Variants in FBXL7 observed in about 807,000 individuals in gnomAD.
FBXL7 encodes the protein F-box and leucine rich repeat protein 7, also known as F-box/LRR-repeat protein 7.
A neutral mutation model predicts 38.3 loss-of-function variants in FBXL7; 12 were observed. That is an observed-to-expected ratio of 0.31 (90% CI 0.20 to 0.51). The LOEUF (loss-of-function observed/expected upper bound fraction) is 0.51. Ranked by LOEUF, FBXL7 falls within the 20% of genes least tolerant of loss-of-function variation. The probability of loss-of-function intolerance (pLI) is 0.98; values close to 1 mark genes in which losing one functional copy is unlikely to be tolerated. For missense variants in FBXL7, 567 were observed against 676.4 expected (o/e 0.84, Z 1.79); for synonymous variants, 297 against 300.9 (o/e 0.99, Z 0.13).
At chr5:15,915,292 A>G (rs988881850) in intron 2 of FBXL7, among the ~76,000 whole-genome samples, 4 of 152,330 alleles carry the variant, frequency 2.6e-5, no homozygotes, top group African/African-American at 7.2e-5. Context: ...CAGCAACAGA[A>G]TTTATTGTCT....
intron 1 of FBXL7, among the ~76,000 whole-genome samples, chr5:15,518,261 C>T (rs903117216): frequency 1.3e-5 from 2 of 152,106 alleles, no homozygotes; most frequent in African/African-American, 4.8e-5. Context: ...GCCACCGTGC[C>T]CGGCCACAGG....
intron 2 of FBXL7, among the ~76,000 whole-genome samples, chr5:15,798,616 G>A (rs1356013458): frequency 6.6e-6 from 1 of 152,188 alleles, no homozygotes; most frequent in East Asian, 1.9e-4. Flanking sequence ...GATGGAATTG[G>A]AAGAAGACTT....
chr5:15,915,705 T>C (rs1741566795), intron 2 of FBXL7, among the ~76,000 whole-genome samples: 1 of 152,190 alleles, frequency 6.6e-6, no homozygotes, highest in Admixed American at 6.5e-5. Flanking sequence ...AGTCAAGGTT[T>C]TGATGCCGGG....
chr5:15,653,723 G>T (rs989091685), intron 2 of FBXL7, among the ~76,000 whole-genome samples: 1 of 152,180 alleles, frequency 6.6e-6, no homozygotes, highest in Non-Finnish European at 1.5e-5. Flanking sequence ...GTGAAACCAA[G>T]TCCAGCTCTG....
chr5:15,513,224 C>A (rs1736847674), intron 1 of FBXL7, among the ~76,000 whole-genome samples: 1 of 151,890 alleles, frequency 6.6e-6, no homozygotes, highest in Non-Finnish European at 1.5e-5. Flanking sequence ...ATTTAAATAA[C>A]CCTTTCCTAG....
intron 1 of FBXL7, among the ~76,000 whole-genome samples, chr5:15,571,268 G>A (rs547529867): frequency 2.2e-4 from 33 of 152,068 alleles, no homozygotes; most frequent in Non-Finnish European, 4.4e-4. Flanking sequence ...CGCCTCACTA[G>A]CAGTATAGAA....
intron 2 of FBXL7, among the ~76,000 whole-genome samples, chr5:15,916,729 A>G (rs1334905800): frequency 6.6e-6 from 1 of 152,212 alleles, no homozygotes; most frequent in Non-Finnish European, 1.5e-5. Flanking sequence ...AAATAGCCAT[A>G]TTTTATTAAC....
At chr5:15,625,873 CAT>C (rs1740798814) in intron 2 of FBXL7, among the ~76,000 whole-genome samples, 2 of 151,900 alleles carry the variant, frequency 1.3e-5, no homozygotes, top group Non-Finnish European at 2.9e-5. Context: ...AAACATGTAA[CAT>C]AGGAATAGGA....
intron 1 of FBXL7, among the ~76,000 whole-genome samples, chr5:15,537,166 C>T (rs1418953855): frequency 6.6e-6 from 1 of 152,102 alleles, no homozygotes; most frequent in East Asian, 1.9e-4. Context: ...TATAAATTAC[C>T]CAGTCTCATC....
intron 2 of FBXL7, among the ~76,000 whole-genome samples, chr5:15,629,013 C>T (rs1371901460): frequency 6.6e-6 from 1 of 151,844 alleles, no homozygotes; most frequent in Non-Finnish European, 1.5e-5. Context: ...CATGGTGGCT[C>T]ATGCATGTAA....
intron 2 of FBXL7, among the ~76,000 whole-genome samples, chr5:15,887,776 C>G (rs888311347): frequency 6.6e-6 from 1 of 152,174 alleles, no homozygotes; most frequent in African/African-American, 2.4e-5. Context: ...TTGGTACACT[C>G]AAGAAGCTTG....
At chr5:15,624,414 A>G (rs1227463976) in intron 2 of FBXL7, among the ~76,000 whole-genome samples, 1 of 152,208 alleles carries the variant, frequency 6.6e-6, no homozygotes, top group African/African-American at 2.4e-5. Context: ...CCTCGCCTGC[A>G]CTTGTTGCTG....
At chr5:15,905,561 A>G (rs528038310) in intron 2 of FBXL7, among the ~76,000 whole-genome samples, 1 of 151,332 alleles carries the variant, frequency 6.6e-6, no homozygotes, top group Non-Finnish European at 1.5e-5. Flanking sequence ...CTTTGCTTTT[A>G]CTAATTTAAC....
chr5:15,564,891 C>G (rs1490791201), intron 1 of FBXL7, among the ~76,000 whole-genome samples: 4 of 152,034 alleles, frequency 2.6e-5, no homozygotes, highest in Non-Finnish European at 4.4e-5. Flanking sequence ...GCTCCACTAA[C>G]AGTTATGTGG....
intron 2 of FBXL7, among the ~76,000 whole-genome samples, chr5:15,835,190 A>C (rs981980364): frequency 2.2e-4 from 34 of 152,306 alleles, no homozygotes; most frequent in African/African-American, 8.2e-4. Flanking sequence ...TAAGGAACTC[A>C]GCATGAATAA....
At chr5:15,621,141 G>T (rs1228284538) in intron 2 of FBXL7, among the ~76,000 whole-genome samples, 2 of 152,178 alleles carry the variant, frequency 1.3e-5, no homozygotes, top group Non-Finnish European at 2.9e-5. Flanking sequence ...AAAGTTCTGG[G>T]CATCTTAATT....
chr5:15,792,458 C>A (rs577964373), intron 2 of FBXL7, among the ~76,000 whole-genome samples: 2 of 152,228 alleles, frequency 1.3e-5, no homozygotes, highest in South Asian at 4.1e-4. Flanking sequence ...TTTGAAAGCT[C>A]AATGTCTGAA....
intron 1 of FBXL7, among the ~76,000 whole-genome samples, chr5:15,594,699 A>C (rs1024897437): frequency 1.3e-5 from 2 of 152,254 alleles, no homozygotes; most frequent in Non-Finnish European, 2.9e-5. Flanking sequence ...TCCGGGAATC[A>C]GGTTTTCAGA....
chr5:15,773,057 A>T (rs976587186), intron 2 of FBXL7, among the ~76,000 whole-genome samples: 4 of 151,978 alleles, frequency 2.6e-5, no homozygotes, highest in Admixed American at 2.6e-4. Context: ...ACACCTGGCT[A>T]ATTTTTTTTA....
Sources: gnomAD v4.1 joint callset for allele counts (sites outside exome capture counted in the v4.1 genomes callset) on GRCh38, gnomAD v4.1.1 for gene constraint, MANE v1.5 for transcripts, NCBI Gene and HGNC (gene_info 2026-07-23, HGNC 2026-07-21) for gene names.